The following OXNAD1 variants were observed in gnomAD, a reference collection of about 807,000 sequenced individuals.
The protein encoded by OXNAD1 is oxidoreductase NAD binding domain containing 1, also known as oxidoreductase NAD-binding domain-containing protein 1.
In OXNAD1, 34 loss-of-function variants were observed where a neutral mutation model predicts 32.9. The observed-to-expected ratio is 1.03, with a 90% CI of 0.79 to 1.38. OXNAD1 has a LOEUF of 1.38. Ranked by LOEUF, OXNAD1 falls within the 40% of genes most tolerant of loss-of-function variation. OXNAD1 has a pLI of 0.00. For synonymous variants in OXNAD1, 134 were observed against 135.2 expected (o/e 0.99, Z 0.06); for missense variants, 407 against 379.4 (o/e 1.07, Z -0.60).
Position 16,302,463 on chromosome 3 carries a change from T to C in OXNAD1, c.676-177T>C, listed in dbSNP as rs979875124. On this transcript the variant is annotated intron_variant, in intron 7 of 8. Transcript: ENST00000285083. This position sits in a 1 kb window ranked among gnomAD's most constrained non-coding sequence, Gnocchi z 4.2. ...TATTCAGATTTCAATTAAAGCCAAA[T>C]AGCCCTCTGTAGTCTGAATGCTCTG... 2.6e-5 allele frequency among the ~76,000 whole-genome samples: 4 copies of C among 152,182 alleles called. No individual in the cohort carries two copies. Among genetic ancestry groups the C allele is most frequent in the African/African-American group, 4.8e-5 (2 of 41,438 alleles).
Position 16,265,802 on chromosome 3 carries a change from C to T in OXNAD1, c.-159+297C>T, listed in dbSNP as rs1372740524. ...GTTGGGCATCTTGACTAAAATCATA[C>T]ACCTGGGAAATAATGAAGAGCTTGT... is the stretch of plus-strand genomic sequence containing the variant. On this transcript the variant is annotated intron_variant, in intron 1 of 8. Coordinates refer to ENST00000285083, the MANE Select transcript of OXNAD1 (RefSeq NM_138381.5). The surrounding 1 kb of genome is among the most constrained non-coding windows in gnomAD (Gnocchi z 4.8). 10 of 922,006 alleles carry T rather than the reference C, an allele frequency of 1.1e-5. No homozygotes were observed. Among genetic ancestry groups the T allele is most frequent in the Non-Finnish European group, 1.2e-5 (9 of 772,298 alleles). 57.1% of individuals were successfully genotyped at this position (922,006 alleles called of 1,614,324 possible). A position where few individuals can be genotyped will look rare whatever the true frequency, so the allele number is the denominator to read the frequency against.
rs957608980 is a variant in OXNAD1, at chr3:16,284,603, C to T, written c.184-1739C>T. Among the ~76,000 whole-genome samples, 8 of 152,210 alleles carry T rather than the reference C, an allele frequency of 5.3e-5. No homozygotes were observed. Among genetic ancestry groups the T allele is most frequent in the African/African-American group, 1.4e-4 (6 of 41,454 alleles). On this transcript the variant is annotated intron_variant, in intron 4 of 8. Transcript: ENST00000285083. This position sits in a 1 kb window ranked among gnomAD's most constrained non-coding sequence, Gnocchi z 4.1. ...TGTGCTTTGTCGTTGACCAAAATGTCGTTGCACAGCACATGACTGTACATT... is the reference window on the plus strand; with the variant it reads ...TGTGCTTTGTCGTTGACCAAAATGTTGTTGCACAGCACATGACTGTACATT...
chr3:16,307,492 CATT>C (rs2067644193), downstream of OXNAD1, among the ~76,000 whole-genome samples: 1 of 152,120 alleles, frequency 6.6e-6, no homozygotes, highest in African/African-American at 2.4e-5. Flanking sequence ...GATGAGTGAT[CATT>C]GAGTGGCTAT....
rs1043923972 is a variant in OXNAD1, at chr3:16,280,340, T to C, written c.184-6002T>C. ...TTTGGTAGGAGTAAAGTGAGTTTAC[T>C]TGTCATTCTAGGGCATAGTGTTAAC... On this transcript the variant is annotated intron_variant, in intron 4 of 8. Coordinates refer to ENST00000285083, the MANE Select transcript of OXNAD1 (RefSeq NM_138381.5). This position sits in a 1 kb window ranked among gnomAD's most constrained non-coding sequence, Gnocchi z 4.5. Among the ~76,000 whole-genome samples, 2 of 152,188 alleles carry C rather than the reference T, an allele frequency of 1.3e-5. No individual in the cohort carries two copies. Among genetic ancestry groups the C allele is most frequent in the Non-Finnish European group, 2.9e-5 (2 of 68,028 alleles).
rs1219209272 is a variant in OXNAD1 at position 16,298,492 on chromosome 3, T to G, written c.433-3134T>G. Among the ~76,000 whole-genome samples the G allele has an allele frequency of 6.6e-6, 1 of 152,144 alleles. No individual in the cohort carries two copies. Among genetic ancestry groups the G allele is most frequent in the African/African-American group, 2.4e-5 (1 of 41,430 alleles). ...TTATTGCCTGAATGCACATCCTAATTGTAGTGCCTGCTCTACTCTGCCCAG... is the reference window on the plus strand; with the variant it reads ...TTATTGCCTGAATGCACATCCTAATGGTAGTGCCTGCTCTACTCTGCCCAG... On this transcript the variant is annotated intron_variant, in intron 6 of 8. Coordinates refer to ENST00000285083, the MANE Select transcript of OXNAD1 (RefSeq NM_138381.5). The surrounding 1 kb of genome is among the most constrained non-coding windows in gnomAD (Gnocchi z 5.1).
chr3:16,316,860 C>T lies in OXNAD1; in HGVS notation c.*30+13268C>T. ...TCTTCAACCGTACCAAGCTCTCTGACTTCCTCAGCATCCCCGTCCCTGGCA... is the reference window on the plus strand; with the variant it reads ...TCTTCAACCGTACCAAGCTCTCTGATTTCCTCAGCATCCCCGTCCCTGGCA... On this transcript the variant is annotated intron_variant, in intron 9 of 9. Coordinates refer to the OXNAD1 transcript ENST00000435829. This position sits in a 1 kb window ranked among gnomAD's most constrained non-coding sequence, Gnocchi z 4.5. 6.2e-7 allele frequency: 1 copy of T among 1,614,196 alleles called. No homozygotes were observed. The highest frequency in any genetic ancestry group is 1.3e-5 in the African/African-American group (1 of 75,054).
intron 6 of OXNAD1, among the ~76,000 whole-genome samples, chr3:16,300,043 A>T (rs1240702087): frequency 6.6e-6 from 1 of 152,124 alleles, no homozygotes; most frequent in Non-Finnish European, 1.5e-5. Flanking sequence ...AATTTAAGGG[A>T]CTTGCTGGAT....
Position 16,301,638 on chromosome 3 carries a change from T to C in OXNAD1, c.445T>C (p.Cys149Arg), listed in dbSNP as rs368139471. ...TTTCCTGCCTTAGTGTACACTTGAC[T>C]GTGAAGTGGCTGTGAGAGTGGGTGG... ...LWVHNTCTLDCEVAVRVGGEF... is the reference protein window; with the variant it reads ...LWVHNTCTLDREVAVRVGGEF... Residue 149 changes from cysteine (C) to arginine (R), a missense_variant, in exon 7 of 9, where the codon TGT becomes CGT. Transcript: ENST00000285083. The surrounding 1 kb of genome is among the most constrained non-coding windows in gnomAD (Gnocchi z 4.1). 2.9e-5 allele frequency: 46 copies of C among 1,613,966 alleles called. No homozygotes were observed. In the African/African-American group the frequency reaches 5.6e-4, roughly 20 times the overall value.
intron 4 of OXNAD1, 77 bp from the exon 5 acceptor site, chr3:16,286,265 A>T: frequency 1.8e-6 from 2 of 1,134,120 alleles, no homozygotes; most frequent in African/African-American, 1.5e-5. Flanking sequence ...CAAAAACCTT[A>T]GTTCTCAGGA....
intron 4 of OXNAD1, among the ~76,000 whole-genome samples, chr3:16,279,644 AGCCAGATAG>A (rs1423578564): frequency 6.6e-6 from 1 of 151,934 alleles, no homozygotes; most frequent in Non-Finnish European, 1.5e-5. Flanking sequence ...AGGAGTGGCC[AGCCAGATAG>A]GAAGGAGATC....
At position 16,342,518 on chromosome 3, in the gene OXNAD1, C is replaced by T. The variant is rs929018677; in HGVS notation, c.*31-6658C>T. ...TAATGTACATAGGTCTTTATGTGGA[C>T]ATATGTTTTCATTTCTCTTAAATAT... On this transcript the variant is annotated intron_variant, in intron 9 of 9. Coordinates refer to the OXNAD1 transcript ENST00000606098. This position sits in a 1 kb window ranked among gnomAD's most constrained non-coding sequence, Gnocchi z 4.0. Among the ~76,000 whole-genome samples, 2 of 152,094 alleles carry T rather than the reference C, an allele frequency of 1.3e-5. No homozygotes were observed. Among genetic ancestry groups the T allele is most frequent in the African/African-American group, 4.8e-5 (2 of 41,410 alleles).
rs2064908115 is a variant in OXNAD1 at position 16,271,176 on chromosome 3, A to G, written c.119+105A>G. On this transcript the variant is annotated intron_variant, in intron 3 of 8. Coordinates refer to ENST00000285083, the MANE Select transcript of OXNAD1 (RefSeq NM_138381.5). The surrounding 1 kb of genome is among the most constrained non-coding windows in gnomAD (Gnocchi z 4.6). ...CAAACTCCCGGAAAGGTAACACCTT[A>G]GCTTCAATGTGCATGCTGTCAGGTT... 7.6e-7 allele frequency: 1 copy of G among 1,319,638 alleles called. No homozygotes were observed. Among genetic ancestry groups the G allele is most frequent in the African/African-American group, 1.5e-5 (1 of 67,276 alleles). The allele number at this position is 1,319,638 out of a possible 1,614,324, so 81.7% of individuals were successfully genotyped here. A position where few individuals can be genotyped will look rare whatever the true frequency, so the allele number is the denominator to read the frequency against.
At position 16,299,827 on chromosome 3, in the gene OXNAD1, G is replaced by A. The variant is rs559288973; in HGVS notation, c.433-1799G>A. Among the ~76,000 whole-genome samples, 44 of 152,300 alleles carry A rather than the reference G, an allele frequency of 2.9e-4. No homozygotes were observed. In the South Asian group the frequency reaches 7.0e-3, roughly 24 times the overall value. Reference sequence around the variant, plus strand: ...ACAAGTTTCTTTATTCCTAGAATCTGTTTTTTAGTGACAGGGAAGAAGGAA... The same window carrying A: ...ACAAGTTTCTTTATTCCTAGAATCTATTTTTTAGTGACAGGGAAGAAGGAA... On this transcript the variant is annotated intron_variant, in intron 6 of 8. Transcript: ENST00000285083. The surrounding 1 kb of genome is among the most constrained non-coding windows in gnomAD (Gnocchi z 4.4).
At position 16,288,205 on chromosome 3, in the gene OXNAD1, A is replaced by G. The variant is rs2066199626; in HGVS notation, c.290+1757A>G. On this transcript the variant is annotated intron_variant, in intron 5 of 8. Transcript: ENST00000285083. This position sits in a 1 kb window ranked among gnomAD's most constrained non-coding sequence, Gnocchi z 5.1. Reference sequence around the variant, plus strand: ...TTTGTGCTCTAGGCTGTCTCAGACCATCAGCTTGGTAGTAACAGCCATGTG... The same window carrying G: ...TTTGTGCTCTAGGCTGTCTCAGACCGTCAGCTTGGTAGTAACAGCCATGTG... Among the ~76,000 whole-genome samples the G allele has an allele frequency of 6.6e-6, 1 of 152,176 alleles. No homozygotes were observed. The highest frequency in any genetic ancestry group is 1.5e-5 in the Non-Finnish European group (1 of 68,030).
Position 16,317,387 on chromosome 3 carries a change from C to T in OXNAD1, c.*30+13795C>T, listed in dbSNP as rs769616974. Reference sequence around the variant, plus strand: ...GGCAGTACAGGCACCAAACTTGAATCGCACACTATCACATCACACCCACCC... The same window carrying T: ...GGCAGTACAGGCACCAAACTTGAATTGCACACTATCACATCACACCCACCC... On this transcript the variant is annotated intron_variant, in intron 9 of 9. Transcript: ENST00000435829. The surrounding 1 kb of genome is among the most constrained non-coding windows in gnomAD (Gnocchi z 4.3). Among the ~76,000 whole-genome samples, 2 of 152,006 alleles carry T rather than the reference C, an allele frequency of 1.3e-5. No individual in the cohort carries two copies. Among genetic ancestry groups the T allele is most frequent in the Non-Finnish European group, 2.9e-5 (2 of 68,006 alleles).
Position 16,322,162 on chromosome 3 carries a change from G to A in OXNAD1, c.*31-14950G>A, listed in dbSNP as rs2069135556. On this transcript the variant is annotated intron_variant, in intron 9 of 9. Coordinates refer to the OXNAD1 transcript ENST00000435829. This position sits in a 1 kb window ranked among gnomAD's most constrained non-coding sequence, Gnocchi z 6.2. ...GCAGCCGATCCATCTTCCAGCTGGT[G>A]GCTGCCTGCTCCTGGTGGTTGATGG... 6.6e-6 allele frequency among the ~76,000 whole-genome samples: 1 copy of A among 152,244 alleles called. No homozygotes were observed. Among genetic ancestry groups the A allele is most frequent in the Non-Finnish European group, 1.5e-5 (1 of 68,046 alleles).
downstream of OXNAD1, among the ~76,000 whole-genome samples, chr3:16,337,882 G>A (rs192218086): frequency 5.9e-5 from 9 of 152,224 alleles, no homozygotes; most frequent in Admixed American, 1.3e-4. This position sits in a 1 kb window ranked among gnomAD's most constrained non-coding sequence, Gnocchi z 5.0. Context: ...GCTCCAGGCC[G>A]GACACTTTGG....
chr3:16,333,580 T>A (rs2070539830), intron 9 of OXNAD1, among the ~76,000 whole-genome samples: 1 of 152,254 alleles, frequency 6.6e-6, no homozygotes, highest in Non-Finnish European at 1.5e-5. Context: ...ATTATTTTAA[T>A]GTTTAAAGTG....
At chr3:16,347,540 A>G (rs953841121) in intron 9 of OXNAD1, 8 of 151,852 alleles carry the variant, frequency 5.3e-5, no homozygotes, top group East Asian at 3.9e-4. Context: ...AGCATTTTCA[A>G]CTCTCTACTC....
Sources: gnomAD v4.1 joint callset for allele counts (sites outside exome capture counted in the v4.1 genomes callset) on GRCh38, gnomAD v4.1.1 for gene constraint, Gnocchi (gnomAD v3.1) non-coding constraint, MANE v1.5 for transcripts, NCBI Gene and HGNC (gene_info 2026-07-23, HGNC 2026-07-21) for gene names.